Variants in LMX1A observed in about 807,000 individuals in gnomAD.
The protein encoded by LMX1A is LIM homeobox transcription factor 1 alpha.
Under a neutral mutation model 49.1 loss-of-function variants are expected in LMX1A, and 15 were observed. That is an observed-to-expected ratio of 0.31 (90% confidence interval 0.20 to 0.47). The LOEUF is 0.47. Ranked by LOEUF, LMX1A falls within the 20% of genes least tolerant of loss-of-function variation. The probability of loss-of-function intolerance (pLI) is 1.00; values close to 1 mark genes in which losing one functional copy is unlikely to be tolerated. For synonymous variants in LMX1A, 167 were observed against 185.7 expected (o/e 0.90, Z 0.82); for missense variants, 372 against 475.8 (o/e 0.78, Z 2.03).
At chr1:165,278,370 G>A (rs556834180) in intron 3 of LMX1A, among the ~76,000 whole-genome samples, 1 of 152,338 alleles carries the variant, frequency 6.6e-6, no homozygotes, top group Admixed American at 6.5e-5. Context: ...TAGCTCAGCA[G>A]CTACTCCAGG....
intron 3 of LMX1A, among the ~76,000 whole-genome samples, chr1:165,284,890 C>T (rs1307893168): frequency 2.6e-5 from 4 of 152,158 alleles, no homozygotes; most frequent in African/African-American, 4.8e-5. Flanking sequence ...CTGCAATAGC[C>T]GCCAGAACCA....
At chr1:165,227,024 T>C (rs529782789) in intron 4 of LMX1A, among the ~76,000 whole-genome samples, 3 of 152,266 alleles carry the variant, frequency 2.0e-5, no homozygotes, top group Admixed American at 2.0e-4. Flanking sequence ...AAGACCAAGA[T>C]GCTGAGGGAA....
intron 3 of LMX1A, among the ~76,000 whole-genome samples, chr1:165,351,956 C>T (rs1208011183): frequency 6.6e-6 from 1 of 152,264 alleles, no homozygotes; most frequent in African/African-American, 2.4e-5. Context: ...CTTTCATTCA[C>T]CAGTGACAAA....
intron 3 of LMX1A, among the ~76,000 whole-genome samples, chr1:165,253,483 G>T (rs1653127549): frequency 6.6e-6 from 1 of 152,084 alleles, no homozygotes; most frequent in Non-Finnish European, 1.5e-5. Flanking sequence ...TTACTCACAG[G>T]TTGACACAAA....
chr1:165,207,765 C>T (rs1462270007), intron 7 of LMX1A, among the ~76,000 whole-genome samples: 3 of 152,182 alleles, frequency 2.0e-5, no homozygotes, highest in African/African-American at 2.4e-5. Flanking sequence ...AGAAACTGAA[C>T]GTATCTGTGA....
chr1:165,264,433 C>CAA (rs1653551687), intron 3 of LMX1A, among the ~76,000 whole-genome samples: 1 of 152,130 alleles, frequency 6.6e-6, no homozygotes, highest in African/African-American at 2.4e-5. Context: ...CACACACACA[C>CAA]ACATACATGC....
intron 3 of LMX1A, among the ~76,000 whole-genome samples, chr1:165,255,459 A>C (rs150120262): frequency 8.6e-4 from 131 of 152,342 alleles, no homozygotes; most frequent in Non-Finnish European, 1.4e-3. Flanking sequence ...TGCCACATCC[A>C]GGCAGCATGA....
chr1:165,288,438 T>A (rs1357632809), intron 3 of LMX1A, among the ~76,000 whole-genome samples: 1 of 152,184 alleles, frequency 6.6e-6, no homozygotes, highest in Non-Finnish European at 1.5e-5. Flanking sequence ...CAGGGATTTA[T>A]GTGTGAGCGA....
At position 165,213,631 on chromosome 1, in the gene LMX1A, C is replaced by A. The variant is rs769424319; in HGVS notation, c.669+10G>T. ...GCCCAGCTCCTTTTCCTCCCTGCTCCCTCCTATACCTTCCTGCAGGGCTTG... is the reference window on the plus strand; with the variant it reads ...GCCCAGCTCCTTTTCCTCCCTGCTCACTCCTATACCTTCCTGCAGGGCTTG... On this transcript the variant is annotated intron_variant, in intron 5 of 8. Coordinates refer to ENST00000342310, the MANE Select transcript of LMX1A (RefSeq NM_177398.4). The A allele has an allele frequency of 2.5e-6, 4 of 1,609,076 alleles. No homozygotes were observed. The Admixed American group carries it at 5.1e-5, about 20-fold the overall frequency.
chr1:165,241,534 C>T (rs1199386187), intron 4 of LMX1A, among the ~76,000 whole-genome samples: 1 of 152,194 alleles, frequency 6.6e-6, no homozygotes, highest in Non-Finnish European at 1.5e-5. Flanking sequence ...CTCAAAGTCA[C>T]ACTGCTTGTG....
At chr1:165,343,253 C>A (rs1656132559) in intron 3 of LMX1A, among the ~76,000 whole-genome samples, 2 of 152,086 alleles carry the variant, frequency 1.3e-5, no homozygotes, top group South Asian at 4.1e-4. Context: ...GACCCTTGCC[C>A]ATGGTAACAC....
At chr1:165,314,134 G>A (rs1655154226) in intron 3 of LMX1A, among the ~76,000 whole-genome samples, 1 of 152,226 alleles carries the variant, frequency 6.6e-6, no homozygotes, top group Non-Finnish European at 1.5e-5. Flanking sequence ...ACACCTCCTT[G>A]AGAAATAACT....
At chr1:165,243,980 C>G (rs1190327403) in intron 4 of LMX1A, among the ~76,000 whole-genome samples, 1 of 152,212 alleles carries the variant, frequency 6.6e-6, no homozygotes, top group Admixed American at 6.5e-5. Flanking sequence ...AAGGTTGGGA[C>G]TTTCAGCCCC....
At chr1:165,215,676 C>T (rs898919380) in intron 4 of LMX1A, among the ~76,000 whole-genome samples, 1 of 152,264 alleles carries the variant, frequency 6.6e-6, no homozygotes, top group Admixed American at 6.5e-5. Context: ...TTCTTCCTTC[C>T]ACGAACATTT....
At chr1:165,217,333 C>T (rs1366756657) in intron 4 of LMX1A, among the ~76,000 whole-genome samples, 1 of 152,128 alleles carries the variant, frequency 6.6e-6, no homozygotes, top group Non-Finnish European at 1.5e-5. Context: ...TCAGCCTTGC[C>T]TGGGACATGT....
intron 4 of LMX1A, among the ~76,000 whole-genome samples, chr1:165,243,942 G>A (rs1331269989): frequency 6.6e-6 from 1 of 152,186 alleles, no homozygotes; most frequent in African/African-American, 2.4e-5. Flanking sequence ...ATGGGGGCTG[G>A]TCACTGGAAA....
chr1:165,329,625 G>A (rs558403249), intron 3 of LMX1A, among the ~76,000 whole-genome samples: 91 of 111,326 alleles, frequency 8.2e-4, no homozygotes, highest in Admixed American at 2.0e-3. Context: ...CCCCACCCCC[G>A]CCACTGCAAA....
At chr1:165,285,260 C>G (rs1447960893) in intron 3 of LMX1A, among the ~76,000 whole-genome samples, 2 of 152,192 alleles carry the variant, frequency 1.3e-5, no homozygotes, top group Admixed American at 1.3e-4. Flanking sequence ...TGGAGGAATT[C>G]TAGACTCCAC....
intron 3 of LMX1A, among the ~76,000 whole-genome samples, chr1:165,289,011 A>G (rs939764104): frequency 2.6e-5 from 4 of 152,330 alleles, no homozygotes; most frequent in Non-Finnish European, 5.9e-5. Context: ...AAGCAGGCAG[A>G]GCAAACAGAC....
Sources: gnomAD v4.1 joint callset for allele counts (sites outside exome capture counted in the v4.1 genomes callset) on GRCh38, gnomAD v4.1.1 for gene constraint, MANE v1.5 for transcripts, NCBI Gene and HGNC (gene_info 2026-07-23, HGNC 2026-07-21) for gene names.